The following ROBO2 variants were observed in gnomAD, a reference collection of about 807,000 sequenced individuals.
ROBO2 encodes the protein roundabout homolog 2.
Under a neutral mutation model 160.8 loss-of-function variants are expected in ROBO2, and 53 were observed. That is an observed-to-expected ratio of 0.33 (90% CI 0.26 to 0.41). The LOEUF (loss-of-function observed/expected upper bound fraction) is 0.41, where lower values mean the gene tolerates loss of function less well. Ranked by LOEUF, ROBO2 falls within the 10% of genes least tolerant of loss-of-function variation. The pLI, the probability that ROBO2 is intolerant of heterozygous loss-of-function variation, is 1.00. For synonymous variants in ROBO2, 664 were observed against 611.7 expected (o/e 1.09, Z -1.26); for missense variants, 1,577 against 1,722.4 (o/e 0.92, Z 1.49).
rs527946204 is a variant in ROBO2 at position 76,046,537 on chromosome 3, A to G, written c.109+108935A>G. Among the ~76,000 whole-genome samples the G allele has an allele frequency of 5.3e-5, 8 of 151,902 alleles. No individual in the cohort carries two copies. In the East Asian group the frequency reaches 1.4e-3, roughly 26 times the overall value. On this transcript the variant is annotated intron_variant, in intron 2 of 26. Transcript: ENST00000487694. ...GGTGGCAGCGCCTGCAGTCCCAGCT[A>G]CTCGGGAGGCTGAGGCAGGAGAATG...
chr3:76,110,534 G>A (rs887299120), intron 2 of ROBO2, among the ~76,000 whole-genome samples: 1 of 151,900 alleles, frequency 6.6e-6, no homozygotes, highest in Non-Finnish European at 1.5e-5. Flanking sequence ...AATATAAGAT[G>A]GAAAATAATG....
chr3:76,559,479 TA>T (rs1284765304), intron 2 of ROBO2, among the ~76,000 whole-genome samples: 2 of 152,092 alleles, frequency 1.3e-5, no homozygotes, highest in East Asian at 3.9e-4. Context: ...ACCAATTGGT[TA>T]AAAAAACTGA....
chr3:76,371,386 G>A (rs1210301525), intron 2 of ROBO2, among the ~76,000 whole-genome samples: 1 of 151,862 alleles, frequency 6.6e-6, no homozygotes, highest in Admixed American at 6.6e-5. Context: ...TGTATTGACT[G>A]CACATTTGCT....
intron 2 of ROBO2, among the ~76,000 whole-genome samples, chr3:76,127,919 G>A (rs181273341): frequency 3.5e-4 from 35 of 101,048 alleles, no homozygotes; most frequent in South Asian, 3.3e-4. Flanking sequence ...TTTTTGAGAC[G>A]AAGTCCCACT....
chr3:76,322,201 TATA>T (rs1254716271), intron 2 of ROBO2, among the ~76,000 whole-genome samples: 1,574 of 119,030 alleles, frequency 0.013, 15 homozygotes, highest in Non-Finnish European at 0.015. Flanking sequence ...TATATATATA[TATA>T]ATATACACAC....
At position 77,099,728 on chromosome 3, in the gene ROBO2, T is replaced by C. The variant is rs567682280; in HGVS notation, c.388+1388T>C. 7.2e-5 allele frequency among the ~76,000 whole-genome samples: 11 copies of C among 152,180 alleles called. No homozygotes were observed. The East Asian group carries it at 1.9e-3, about 27-fold the overall frequency. The stretch of plus-strand genomic sequence containing the variant: ...CAATACCAAATTTTATTGATTTTTT[T>C]CCCCCAACAGACCCTTTTATGGTGA... On this transcript the variant is annotated intron_variant, in intron 2 of 25. Coordinates refer to ENST00000461745, the Ensembl canonical transcript of ROBO2.
intron 2 of ROBO2, among the ~76,000 whole-genome samples, chr3:76,478,698 T>G (rs1444397441): frequency 1.3e-5 from 2 of 150,834 alleles, no homozygotes; most frequent in African/African-American, 4.9e-5. Flanking sequence ...TTTTTTTTTT[T>G]TGAGAGACAT....
Position 76,185,215 on chromosome 3 carries a change from T to TATATATATATATAC in ROBO2, c.109+247614_109+247615insTATATATATATACA. Among the ~76,000 whole-genome samples, 372 of 90,282 alleles carry TATATATATATATAC rather than the reference T, an allele frequency of 4.1e-3. 8 individuals are homozygous for TATATATATATATAC. The highest frequency in any genetic ancestry group is 0.018 in the Middle Eastern group (2 of 110). The allele number at this position is 90,282 out of a possible 152,430, so 59.2% of individuals were successfully genotyped here. ...ACACAGATATATATATATATATATA[T>TATATATATATATAC]ACACACACAAAGATGTTATATATAC... On this transcript the variant is annotated intron_variant, in intron 2 of 26. Coordinates refer to the ROBO2 transcript ENST00000487694.
exon 8 of ROBO2, chr3:77,550,913 C>T (rs985329783): frequency 6.8e-6 from 11 of 1,612,922 alleles, no homozygotes; most frequent in African/African-American, 4.0e-5. Flanking sequence ...AACGTTCCGA[C>T]GCGGGTTACT....
At chr3:77,431,792 G>A (rs2078800359) in intron 2 of ROBO2, among the ~76,000 whole-genome samples, 1 of 152,196 alleles carries the variant, frequency 6.6e-6, no homozygotes, top group Non-Finnish European at 1.5e-5. Flanking sequence ...GTTAAATCTA[G>A]GGAGGCTATT....
chr3:76,366,932 GT>G (rs1193751977), intron 2 of ROBO2, among the ~76,000 whole-genome samples: 3 of 151,778 alleles, frequency 2.0e-5, no homozygotes, highest in Non-Finnish European at 4.4e-5. Flanking sequence ...AGCATATTTT[GT>G]TTTAAACTAT....
chr3:76,760,824 G>A (rs1274056180), intron 2 of ROBO2, among the ~76,000 whole-genome samples: 5 of 151,568 alleles, frequency 3.3e-5, no homozygotes, highest in Non-Finnish European at 7.4e-5. Flanking sequence ...ATTAGTTTTA[G>A]AGTTATATGA....
At chr3:77,169,838 A>G (rs956294313) in intron 2 of ROBO2, among the ~76,000 whole-genome samples, 4 of 152,102 alleles carry the variant, frequency 2.6e-5, no homozygotes, top group African/African-American at 9.7e-5. Context: ...AGAAACAGAC[A>G]CCGTTCCCCA....
Position 76,392,858 on chromosome 3 carries a change from A to G in ROBO2, c.109+455256A>G, listed in dbSNP as rs139724273. Among the ~76,000 whole-genome samples the G allele has an allele frequency of 2.0e-4, 30 of 152,304 alleles. No individual in the cohort carries two copies. In the East Asian group the frequency reaches 5.8e-3, roughly 29 times the overall value. ...TCTTCACAACAATTTGTCTTGTTTGAAAAATGAAGTTTAGTGTAATCCCAC... is the reference window on the plus strand; with the variant it reads ...TCTTCACAACAATTTGTCTTGTTTGGAAAATGAAGTTTAGTGTAATCCCAC... On this transcript the variant is annotated intron_variant, in intron 2 of 26. Transcript: ENST00000487694.
intron 2 of ROBO2, among the ~76,000 whole-genome samples, chr3:77,426,267 A>G (rs1305870048): frequency 6.6e-6 from 1 of 152,094 alleles, no homozygotes; most frequent in Non-Finnish European, 1.5e-5. Context: ...GGAAAGACTG[A>G]TCAAGGAGAA....
chr3:76,786,432 G>A (rs1560559090), intron 2 of ROBO2, among the ~76,000 whole-genome samples: 1 of 151,392 alleles, frequency 6.6e-6, no homozygotes, highest in Non-Finnish European at 1.5e-5. Flanking sequence ...ATGGCAGAAG[G>A]TGAAGGGGAA....
At chr3:76,183,918 T>A (rs1476969015) in intron 2 of ROBO2, among the ~76,000 whole-genome samples, 2 of 152,172 alleles carry the variant, frequency 1.3e-5, no homozygotes, top group African/African-American at 4.8e-5. Flanking sequence ...TGGTAGCAAG[T>A]AAATTTTATT....
At chr3:76,874,210 TA>T (rs34634709) in intron 2 of ROBO2, among the ~76,000 whole-genome samples, 35,546 of 143,746 alleles carry the variant, frequency 0.25, 4,202 homozygotes, top group East Asian at 0.39. Flanking sequence ...TTCAGACCAA[TA>T]AAAAAAAAAA....
intron 2 of ROBO2, among the ~76,000 whole-genome samples, chr3:77,234,222 C>G (rs1163560126): frequency 6.6e-6 from 1 of 152,188 alleles, no homozygotes; most frequent in Non-Finnish European, 1.5e-5. Flanking sequence ...TTCATATTGT[C>G]TATTGAAATC....
Sources: allele counts gnomAD v4.1 joint callset (sites outside exome capture counted in the v4.1 genomes callset), GRCh38; gene constraint gnomAD v4.1.1; transcripts MANE v1.5; gene names NCBI Gene and HGNC (gene_info 2026-07-23, HGNC 2026-07-21).